The following ECT2 variants were observed in gnomAD, a reference collection of about 807,000 sequenced individuals.
ECT2 encodes epithelial cell transforming 2, also known as protein ECT2.
Under a neutral mutation model 116.9 loss-of-function variants are expected in ECT2, and 61 were observed. The observed-to-expected ratio is 0.52, with a 90% CI of 0.42 to 0.65. The LOEUF (loss-of-function observed/expected upper bound fraction) is 0.65. Ranked by LOEUF, ECT2 falls within the 30% of genes least tolerant of loss-of-function variation. ECT2 has a pLI of 0.00. For synonymous variants in ECT2, 358 were observed against 346.4 expected, an observed-to-expected ratio of 1.03 and a Z score of -0.37; for missense variants, 937 against 1,078.7, an observed-to-expected ratio of 0.87 and a Z score of 1.84.
chr3:172,807,775 C>T lies in ECT2; in HGVS notation c.2251C>T (p.His751Tyr). ...TGGTTATTCTGGAACCCTAGATTGC[C>T]ATAATGCTTTTGCCTTGCTTGTGAG... ...VLDIRETEDC[H>Y]NAFALLVRPP... Residue 751 changes from histidine to tyrosine, a missense_variant, in exon 22 of 25, where the codon CAT (histidine) becomes TAT (tyrosine). Transcript: ENST00000392692. The T allele has an allele frequency of 6.2e-7, 1 of 1,611,806 alleles. No individual in the cohort carries two copies. Among genetic ancestry groups the T allele is most frequent in the Non-Finnish European group, 8.5e-7 (1 of 1,178,890 alleles).
At position 172,762,746 on chromosome 3, in the gene ECT2, G is replaced by C. The variant is rs368163367; in HGVS notation, c.945G>C (p.Glu315Asp). The change falls in exon 10 of 25, where the codon GAG (glutamate) becomes GAC (aspartate). Residue 315 changes from glutamate to aspartate, a missense_variant. By Grantham distance (45) the Glu-to-Asp change is conservative (BLOSUM62 2). Transcript: ENST00000392692. ...DERCTHLVVEENIVKDLPFEP... is the reference protein window; with the variant it reads ...DERCTHLVVEDNIVKDLPFEP... ...GATGCACTCACCTTGTAGTTGAAGA[G>C]AATATAGTAAAAGATCTTCCCTTTG... is the stretch of plus-strand genomic sequence containing the variant. 2.0e-5 allele frequency: 33 copies of C among 1,613,198 alleles called. No homozygotes were observed. The highest frequency in any genetic ancestry group is 2.7e-5 in the Non-Finnish European group (32 of 1,179,698).
In ECT2 at chr3:172,815,669, A is replaced by C; in HGVS notation, c.2466A>C (p.Thr822=). The change falls in exon 23 of 25, where the codon ACA becomes ACC. Residue 822 remains threonine (T), a synonymous_variant. Transcript: ENST00000392692. ...TAAATACAAAAGATATGGACAGTAC[A>C]TTGAGTAGAGCATCAAGAGCAATAA... The part of the protein sequence containing the change: ...FEVNTKDMDS[T]LSRASRAIKK... 1.9e-6 allele frequency: 3 copies of C among 1,606,628 alleles called. No homozygotes were observed. Among genetic ancestry groups the C allele is most frequent in the East Asian group, 4.5e-5 (2 of 44,646 alleles).
chr3:172,825,043 C>T (rs1312061054), downstream of ECT2, among the ~76,000 whole-genome samples: 1 of 152,200 alleles, frequency 6.6e-6, no homozygotes, highest in African/African-American at 2.4e-5. Flanking sequence ...AGTCTATTAG[C>T]ACAGTGTTTC....
downstream of ECT2, among the ~76,000 whole-genome samples, chr3:172,822,793 T>G (rs1308707484): frequency 2.6e-5 from 4 of 151,962 alleles, no homozygotes; most frequent in African/African-American, 9.7e-5. Flanking sequence ...AAGAGAAAAC[T>G]AGTGACCTAA....
chr3:172,774,889 C>T (rs1559965328), intron 14 of ECT2, among the ~76,000 whole-genome samples: 1 of 152,124 alleles, frequency 6.6e-6, no homozygotes, highest in Admixed American at 6.5e-5. Context: ...ACATGTGACT[C>T]CCAGTACTAT....
chr3:172,758,592 CAG>C (rs1417752016), intron 5 of ECT2, among the ~76,000 whole-genome samples: 3 of 152,008 alleles, frequency 2.0e-5, no homozygotes, highest in Non-Finnish European at 4.4e-5. Flanking sequence ...TATATTTACT[CAG>C]TGTTTATTAT....
intron 18 of ECT2, among the ~76,000 whole-genome samples, chr3:172,787,164 T>C (rs1217264162): frequency 1.3e-5 from 2 of 152,180 alleles, no homozygotes; most frequent in Admixed American, 6.5e-5. Context: ...TGGAAAACTC[T>C]CTTACCATTA....
chr3:172,797,384 C>T (rs906647419), intron 18 of ECT2, among the ~76,000 whole-genome samples: 55 of 152,104 alleles, frequency 3.6e-4, no homozygotes, highest in African/African-American at 1.3e-3. Flanking sequence ...TCAGGTCATA[C>T]ATTGTTACCT....
At chr3:172,760,414 T>C in intron 7 of ECT2, 151 bp downstream of exon 7, 1 of 486,358 alleles carries the variant, frequency 2.1e-6, no homozygotes, top group Non-Finnish European at 3.6e-6. Context: ...TTTTAAATCA[T>C]AAGAGTGGTT....
At position 172,821,471 on chromosome 3, in the gene ECT2, T is replaced by A. The variant is rs1730678992; in HGVS notation, c.*1234T>A. ...TGTAAATAAATACCTAAAACCCAAG[T>A]GTATTTTATGTCTCATGTATTAATT... On this transcript the variant is annotated 3_prime_UTR_variant, in exon 25 of 25. Transcript: ENST00000392692. 1 of 151,902 alleles carries A rather than the reference T, an allele frequency of 6.6e-6. No homozygotes were observed. Among genetic ancestry groups the A allele is most frequent in the South Asian group, 2.1e-4 (1 of 4,834 alleles). 9.4% of individuals were successfully genotyped at this position (151,902 alleles called of 1,614,324 possible).
intron 14 of ECT2, among the ~76,000 whole-genome samples, chr3:172,777,020 C>T (rs868462215): frequency 6.6e-6 from 1 of 151,846 alleles, no homozygotes; most frequent in Non-Finnish European, 1.5e-5. Context: ...GACAGGTGTG[C>T]GCCACCACAC....
intron 18 of ECT2, among the ~76,000 whole-genome samples, chr3:172,793,163 T>A (rs1446494214): frequency 3.3e-5 from 5 of 152,128 alleles, no homozygotes; most frequent in South Asian, 4.1e-4. Context: ...TTTTATTTAT[T>A]TTTATTTATT....
At chr3:172,789,326 C>T (rs1253929553) in intron 18 of ECT2, among the ~76,000 whole-genome samples, 2 of 151,098 alleles carry the variant, frequency 1.3e-5, no homozygotes, top group African/African-American at 2.4e-5. Context: ...ACCTCATCCT[C>T]TTGAGTAGCC....
chr3:172,754,169 T>C (rs986198729), intron 1 of ECT2, among the ~76,000 whole-genome samples: 6 of 152,144 alleles, frequency 3.9e-5, no homozygotes, highest in East Asian at 1.9e-4. Flanking sequence ...GGTGGTGTTA[T>C]AATTGAATAT....
chr3:172,794,664 T>C (rs1014275530), intron 18 of ECT2, among the ~76,000 whole-genome samples: 7 of 152,134 alleles, frequency 4.6e-5, no homozygotes, highest in African/African-American at 1.7e-4. Context: ...GGAATGTGTA[T>C]AGGAATTTTA....
intron 5 of ECT2, among the ~76,000 whole-genome samples, chr3:172,758,625 T>G (rs1717572674): frequency 6.6e-6 from 1 of 152,182 alleles, no homozygotes; most frequent in African/African-American, 2.4e-5. Flanking sequence ...TGACCTGTTT[T>G]AATGACATTA....
At chr3:172,813,395 G>A (rs977094258) in intron 22 of ECT2, among the ~76,000 whole-genome samples, 3 of 151,988 alleles carry the variant, frequency 2.0e-5, no homozygotes, top group African/African-American at 7.2e-5. Context: ...AGTGAGGCAG[G>A]ATAGATTCTT....
chr3:172,805,983 G>C (rs1296455816), intron 21 of ECT2, 114 bp downstream of exon 21: 3 of 1,089,138 alleles, frequency 2.8e-6, no homozygotes, highest in Non-Finnish European at 3.9e-6. Context: ...AATATAGTTG[G>C]TCAGACTGCT....
chr3:172,766,338 C>T (rs1719380177), intron 12 of ECT2, among the ~76,000 whole-genome samples: 1 of 152,166 alleles, frequency 6.6e-6, no homozygotes, highest in South Asian at 2.1e-4. Flanking sequence ...AGGTCACTTT[C>T]AAATAAGACT....
Sources: allele counts gnomAD v4.1 joint callset (sites outside exome capture counted in the v4.1 genomes callset), GRCh38; gene constraint gnomAD v4.1.1; transcripts MANE v1.5; gene names NCBI Gene and HGNC (gene_info 2026-07-23, HGNC 2026-07-21).